Variants in EFCAB5 observed in about 807,000 individuals in gnomAD.
EFCAB5 encodes the protein EF-hand calcium-binding domain-containing protein 5.
EFCAB5 carries 131 observed loss-of-function variants against 167.9 expected under a neutral mutation model. That is an observed-to-expected ratio of 0.78 (90% CI 0.68 to 0.90). The LOEUF (loss-of-function observed/expected upper bound fraction) is 0.90, where lower values mean the gene tolerates loss of function less well. Ranked by LOEUF, EFCAB5 falls within the 40% of genes least tolerant of loss-of-function variation. The pLI, the probability that EFCAB5 is intolerant of heterozygous loss-of-function variation, is 0.00. For missense variants in EFCAB5, 1,663 were observed against 1,745.2 expected (o/e 0.95, Z 0.84); for synonymous variants, 574 against 602.8 (o/e 0.95, Z 0.70).
At chr17:30,004,399 G>A (rs1332634324) in intron 7 of EFCAB5, among the ~76,000 whole-genome samples, 1 of 152,186 alleles carries the variant, frequency 6.6e-6, no homozygotes, top group African/African-American at 2.4e-5. Context: ...TGGAGGCAGG[G>A]GCAAGGTGCC....
chr17:30,013,501 A>T (rs906784967), intron 7 of EFCAB5, among the ~76,000 whole-genome samples: 11 of 152,046 alleles, frequency 7.2e-5, no homozygotes, highest in Non-Finnish European at 1.2e-4. Context: ...GTCTATTCAG[A>T]GATTCAACTT....
chr17:29,943,452 T>C, intron 2 of EFCAB5, 113 bp from the exon 3 acceptor site: 1 of 831,638 alleles, frequency 1.2e-6, no homozygotes, highest in Non-Finnish European at 1.8e-6. Context: ...TAACTAGGAA[T>C]GTTTGGTTAA....
At chr17:29,944,139 G>A (rs572740999) in intron 3 of EFCAB5, among the ~76,000 whole-genome samples, 2 of 152,116 alleles carry the variant, frequency 1.3e-5, no homozygotes, top group African/African-American at 4.8e-5. Flanking sequence ...TCAGTGACAC[G>A]GTCATAGTTC....
chr17:29,966,531 T>A (rs1159343399), intron 3 of EFCAB5, among the ~76,000 whole-genome samples: 1 of 152,166 alleles, frequency 6.6e-6, no homozygotes, highest in Non-Finnish European at 1.5e-5. Flanking sequence ...TCCCAGCTAC[T>A]TGGGAGGCTG....
chr17:30,016,073 G>C (rs1220114633), intron 7 of EFCAB5, among the ~76,000 whole-genome samples: 1 of 151,784 alleles, frequency 6.6e-6, no homozygotes, highest in African/African-American at 2.4e-5. Context: ...TTTAAAATTG[G>C]GTTGTCTTTT....
chr17:30,033,103 G>C (rs1597701065), intron 7 of EFCAB5, among the ~76,000 whole-genome samples: 2 of 151,450 alleles, frequency 1.3e-5, no homozygotes, highest in East Asian at 3.9e-4. Flanking sequence ...TTTTGAGACG[G>C]AGTCTCGCAC....
chr17:29,988,221 T>C (rs1473901278), intron 4 of EFCAB5, among the ~76,000 whole-genome samples: 1 of 152,176 alleles, frequency 6.6e-6, no homozygotes, highest in African/African-American at 2.4e-5. Flanking sequence ...GTATGAGCCC[T>C]AATGTGAGTG....
Position 30,021,369 on chromosome 17 carries a change from A to T in EFCAB5, c.1045-12861A>T, listed in dbSNP as rs1252273907. 6.1e-5 allele frequency among the ~76,000 whole-genome samples: 9 copies of T among 147,902 alleles called. No individual in the cohort carries two copies. The South Asian group carries it at 1.9e-3, about 31-fold the overall frequency. ...TGGTATATATTATATGTAAATATAT[A>T]AATATTTTTACATTTATATAAAATA... On this transcript the variant is annotated intron_variant, in intron 7 of 22. Coordinates refer to ENST00000394835, the MANE Select transcript of EFCAB5 (RefSeq NM_198529.4).
rs530255849 is a variant in EFCAB5, at chr17:29,966,569, G to A, written c.191-2222G>A. Among the ~76,000 whole-genome samples the A allele has an allele frequency of 4.8e-4, 73 of 152,266 alleles. 1 individual carries two copies. The South Asian group carries it at 0.013, about 27-fold the overall frequency. ...TATATGCTGTCATATACTCATATAC[G>A]TATACATATGGGTATATGGTGTCAA... On this transcript the variant is annotated intron_variant, in intron 3 of 22. Transcript: ENST00000394835.
intron 3 of EFCAB5, among the ~76,000 whole-genome samples, chr17:29,945,332 A>G (rs755059106): frequency 1.3e-5 from 2 of 151,540 alleles, no homozygotes; most frequent in Non-Finnish European, 2.9e-5. Context: ...TTTTCCCCAA[A>G]GTGTTCTTCT....
chr17:30,033,647 AG>A (rs1367498565), intron 7 of EFCAB5, among the ~76,000 whole-genome samples: 1 of 152,216 alleles, frequency 6.6e-6, no homozygotes, highest in African/African-American at 2.4e-5. Context: ...CCTCTAAGCT[AG>A]AAATTCCACT....
At chr17:30,067,312 TCA>T (rs1173715056) in intron 14 of EFCAB5, among the ~76,000 whole-genome samples, 1 of 152,040 alleles carries the variant, frequency 6.6e-6, no homozygotes, top group Non-Finnish European at 1.5e-5. Flanking sequence ...AAAAGATCAT[TCA>T]CACAGAGAAT....
intron 8 of EFCAB5, among the ~76,000 whole-genome samples, chr17:30,038,905 G>T (rs1415869906): frequency 3.9e-5 from 6 of 152,034 alleles, no homozygotes; most frequent in Non-Finnish European, 8.8e-5. Context: ...CCTTTCTCAT[G>T]AGGAGGCGCC....
chr17:30,048,780 G>A (rs898830143), intron 8 of EFCAB5, among the ~76,000 whole-genome samples: 2 of 152,068 alleles, frequency 1.3e-5, no homozygotes, highest in Non-Finnish European at 2.9e-5. Flanking sequence ...GAGCTGCTGC[G>A]CCCAGCCTAC....
chr17:29,971,018 T>G (rs1362538546), intron 4 of EFCAB5, among the ~76,000 whole-genome samples: 3 of 150,688 alleles, frequency 2.0e-5, no homozygotes, highest in African/African-American at 2.4e-5. Context: ...GAGGCTGCAG[T>G]GAGCCGAGAT....
rs575177920 is a variant in EFCAB5, at chr17:30,068,519, T to A, written c.2737+8818T>A. 14 of 605,006 alleles carry A rather than the reference T, an allele frequency of 2.3e-5. No individual in the cohort carries two copies. In the African/African-American group the frequency reaches 2.4e-4, roughly 10 times the overall value. 37.5% of individuals were successfully genotyped at this position (605,006 alleles called of 1,614,324 possible). A position where few individuals can be genotyped will look rare whatever the true frequency, so the allele number is the denominator to read the frequency against. On this transcript the variant is annotated intron_variant, in intron 14 of 22. Coordinates refer to ENST00000394835, the MANE Select transcript of EFCAB5 (RefSeq NM_198529.4). ...GAGGACACCAAAAAATGGAAAGACA[T>A]CTCATGTTCATGGATTGGAAGAATT...
At chr17:30,092,537 G>A (rs1426243864) in intron 21 of EFCAB5, among the ~76,000 whole-genome samples, 4 of 152,152 alleles carry the variant, frequency 2.6e-5, no homozygotes, top group South Asian at 2.1e-4. Flanking sequence ...ACAGGTGCCC[G>A]CCACCACGCC....
At chr17:29,983,074 T>C (rs1463376366) in intron 4 of EFCAB5, among the ~76,000 whole-genome samples, 1 of 152,264 alleles carries the variant, frequency 6.6e-6, no homozygotes, top group Non-Finnish European at 1.5e-5. Context: ...ATTTTGTAGA[T>C]TGGTAACTTT....
chr17:30,073,148 C>T lies in EFCAB5; in HGVS notation c.2738-5067C>T, dbSNP rs188264357. The T allele has an allele frequency of 1.3e-4, 93 of 699,298 alleles. No homozygotes were observed. The East Asian group carries it at 1.6e-3, about 12-fold the overall frequency. 43.3% of individuals were successfully genotyped at this position (699,298 alleles called of 1,614,324 possible). ...GTAGCTCACTGCAGCCTCCAACTCC[C>T]GGACTCAAGCGATCATCCCATCACA... On this transcript the variant is annotated intron_variant, in intron 14 of 22. Coordinates refer to ENST00000394835, the MANE Select transcript of EFCAB5 (RefSeq NM_198529.4).
Sources: allele counts gnomAD v4.1 joint callset (sites outside exome capture counted in the v4.1 genomes callset), GRCh38; gene constraint gnomAD v4.1.1; transcripts MANE v1.5; gene names NCBI Gene and HGNC (gene_info 2026-07-23, HGNC 2026-07-21).